SNX27: variants seen among roughly 807,000 people sequenced by gnomAD.
The protein encoded by SNX27 is sorting nexin 27, also known as sorting nexin-27.
A neutral mutation model predicts 71.6 loss-of-function variants in SNX27; 22 were observed. The ratio of observed to expected loss-of-function variants is 0.31; its 90% confidence interval spans 0.22 to 0.44. The LOEUF (loss-of-function observed/expected upper bound fraction) is 0.44, where lower values mean the gene tolerates loss of function less well. Among genes scored for constraint, SNX27 ranks in the 20% least tolerant of loss-of-function variants. The pLI, the probability that SNX27 is intolerant of heterozygous loss-of-function variation, is 1.00. For missense variants in SNX27, 531 were observed against 698.6 expected, an observed-to-expected ratio of 0.76 and a Z score of 2.70; for synonymous variants, 269 against 277.2, an observed-to-expected ratio of 0.97 and a Z score of 0.29.
At chr1:151,624,562 G>A (rs1484146262) in intron 1 of SNX27, among the ~76,000 whole-genome samples, 1 of 150,766 alleles carries the variant, frequency 6.6e-6, no homozygotes, top group Non-Finnish European at 1.5e-5. Context: ...CTCCCAAGTA[G>A]CAGGGACTAT....
rs78512551 is a variant in SNX27 at position 151,625,003 on chromosome 1, T to C, written c.311+12491T>C. Among the ~76,000 whole-genome samples the C allele has an allele frequency of 5.6e-3, 851 of 152,336 alleles. 7 individuals carry two copies. The highest frequency in any genetic ancestry group is 0.02 in the African/African-American group (816 of 41,576). ...CTTCTTCTGCCTCAGGCAGCATTCT[T>C]TGTAAATAGAACACCCGGTCAAAGG... On this transcript the variant is annotated intron_variant, in intron 1 of 11. Coordinates refer to ENST00000458013, the MANE Select transcript of SNX27 (RefSeq NM_001330723.2).
At chr1:151,618,372 T>TTAA (rs1667523127) in intron 1 of SNX27, among the ~76,000 whole-genome samples, 1 of 152,244 alleles carries the variant, frequency 6.6e-6, no homozygotes, top group South Asian at 2.1e-4. Flanking sequence ...ACAATCATTT[T>TTAA]TAAATTCCTT....
At chr1:151,644,798 T>C (rs2102646359) in intron 2 of SNX27, among the ~76,000 whole-genome samples, 1 of 152,172 alleles carries the variant, frequency 6.6e-6, no homozygotes, top group South Asian at 2.1e-4. Context: ...TATTGTGATA[T>C]AAAGGTCAAG....
intron 1 of SNX27, among the ~76,000 whole-genome samples, chr1:151,627,653 C>G (rs1668007377): frequency 6.6e-6 from 1 of 151,858 alleles, no homozygotes; most frequent in Non-Finnish European, 1.5e-5. Context: ...GTCTCGAACT[C>G]CTGGGCTCAA....
intron 1 of SNX27, among the ~76,000 whole-genome samples, chr1:151,613,528 T>C (rs932032693): frequency 2.0e-5 from 3 of 152,122 alleles, no homozygotes; most frequent in Admixed American, 2.0e-4. Flanking sequence ...CACTTGACTT[T>C]GTCCTAGTCT....
intron 1 of SNX27, among the ~76,000 whole-genome samples, chr1:151,630,867 A>G (rs1412463757): frequency 1.3e-5 from 2 of 152,212 alleles, no homozygotes; most frequent in Non-Finnish European, 2.9e-5. Flanking sequence ...CCCCGTCTCT[A>G]CTAAAAATAC....
intron 7 of SNX27, among the ~76,000 whole-genome samples, chr1:151,672,834 C>T (rs1345385406): frequency 3.3e-5 from 5 of 151,164 alleles, no homozygotes; most frequent in Non-Finnish European, 7.4e-5. Flanking sequence ...GTTGTAATAT[C>T]TCCTTTTTCA....
At chr1:151,672,239 C>T (rs1670479341) in intron 7 of SNX27, among the ~76,000 whole-genome samples, 1 of 152,116 alleles carries the variant, frequency 6.6e-6, no homozygotes, top group African/African-American at 2.4e-5. Flanking sequence ...GCTTTTTCAG[C>T]ATCGGTTGAA....
Position 151,690,435 on chromosome 1 carries a change from TTTTTTA to T in SNX27, c.1240-1990_1240-1985del, listed in dbSNP as rs1414485664. 6.6e-5 allele frequency among the ~76,000 whole-genome samples: 10 copies of T among 152,130 alleles called. No homozygotes were observed. The East Asian group carries it at 1.7e-3, about 26-fold the overall frequency. ...ATGGCTGAGTACTATGTTAAATATCTTTTTTATTTTTATTTCTTGTTTTGAGACAGG... is the reference window on the plus strand; with the variant it reads ...ATGGCTGAGTACTATGTTAAATATCTTTTTTATTTCTTGTTTTGAGACAGG... On this transcript the variant is annotated intron_variant, in intron 8 of 11. Coordinates refer to ENST00000458013, the MANE Select transcript of SNX27 (RefSeq NM_001330723.2).
chr1:151,612,636 G>A lies in SNX27; in HGVS notation c.311+124G>A. Reference sequence around the variant, plus strand: ...GCTCCGAGCCGGCCTCCGGACCCCCGCCCCTCAGGCCTCCGCAGCCGGGCC... The same window carrying A: ...GCTCCGAGCCGGCCTCCGGACCCCCACCCCTCAGGCCTCCGCAGCCGGGCC... On this transcript the variant is annotated intron_variant, in intron 1 of 11. Coordinates refer to ENST00000458013, the MANE Select transcript of SNX27 (RefSeq NM_001330723.2). The surrounding 1 kb of genome is among the most constrained non-coding windows in gnomAD (Gnocchi z 5.2). 1 of 670,282 alleles carries A rather than the reference G, an allele frequency of 1.5e-6. No homozygotes were observed. Among genetic ancestry groups the A allele is most frequent in the Non-Finnish European group, 2.0e-6 (1 of 496,788 alleles). The allele number at this position is 670,282 out of a possible 1,614,324, so 41.5% of individuals were successfully genotyped here. A position where few individuals can be genotyped will look rare whatever the true frequency, so the allele number is the denominator to read the frequency against.
intron 5 of SNX27, among the ~76,000 whole-genome samples, chr1:151,663,986 G>T (rs560936262): frequency 6.6e-6 from 1 of 151,442 alleles, no homozygotes; most frequent in Admixed American, 6.6e-5. Context: ...GTCAACTAAC[G>T]CTATTTAATT....
At chr1:151,615,062 G>C (rs947331060) in intron 1 of SNX27, among the ~76,000 whole-genome samples, 6 of 152,148 alleles carry the variant, frequency 3.9e-5, no homozygotes, top group Middle Eastern at 3.2e-3. Flanking sequence ...GGAAATCTTT[G>C]CCTTCTAGAG....
At chr1:151,691,975 G>A (rs1448236586) in intron 8 of SNX27, among the ~76,000 whole-genome samples, 4 of 152,154 alleles carry the variant, frequency 2.6e-5, no homozygotes, top group Admixed American at 6.5e-5. Flanking sequence ...TGAGGTGGGA[G>A]GATTAGTTGA....
intron 2 of SNX27, among the ~76,000 whole-genome samples, chr1:151,655,131 C>T (rs1669625795): frequency 1.3e-5 from 2 of 151,622 alleles, no homozygotes; most frequent in South Asian, 4.2e-4. Context: ...TCCTGGCATA[C>T]AGTTAAGCTA....
rs1444116095 is a variant in SNX27, at chr1:151,698,514, A to G, written c.*4097A>G. ...TGTCACAGTAGCTTCCTTTGGGAGGATGATGTGATAGAACACTCAGAGAGA... is the reference window on the plus strand; with the variant it reads ...TGTCACAGTAGCTTCCTTTGGGAGGGTGATGTGATAGAACACTCAGAGAGA... On this transcript the variant is annotated 3_prime_UTR_variant, in exon 12 of 12. Transcript: ENST00000458013. The G allele has an allele frequency of 2.0e-5, 3 of 152,338 alleles. No individual in the cohort carries two copies. The highest frequency in any genetic ancestry group is 4.4e-5 in the Non-Finnish European group (3 of 68,048). 9.4% of individuals were successfully genotyped at this position (152,338 alleles called of 1,614,324 possible). A position where few individuals can be genotyped will look rare whatever the true frequency, so the allele number is the denominator to read the frequency against.
rs147330247 is a variant in SNX27, at chr1:151,615,328, A to AC, written c.311+2820dup. Among the ~76,000 whole-genome samples the AC allele has an allele frequency of 7.9e-3, 1,194 of 150,800 alleles. 5 individuals carry two copies. The highest frequency in any genetic ancestry group is 0.014 in the Non-Finnish European group (937 of 67,752). On this transcript the variant is annotated intron_variant, in intron 1 of 11. Transcript: ENST00000458013. ...CCAAGCTAGTGGTACATTCTGTGAG[A>AC]CCCCAACTATACAGTGTCTTTCTCT...
intron 2 of SNX27, among the ~76,000 whole-genome samples, chr1:151,651,886 C>T (rs889462428): frequency 5.3e-5 from 8 of 151,904 alleles, no homozygotes; most frequent in East Asian, 1.9e-4. Flanking sequence ...GCCGAGATCA[C>T]GCCACTGCAC....
intron 8 of SNX27, 33 bp from the exon 9 acceptor site, chr1:151,692,402 C>A: frequency 7.2e-7 from 1 of 1,391,208 alleles, no homozygotes. Flanking sequence ...CCTGTTTCTC[C>A]TTCCTTTTTT....
At chr1:151,654,754 A>C (rs1442914708) in intron 2 of SNX27, among the ~76,000 whole-genome samples, 1 of 152,198 alleles carries the variant, frequency 6.6e-6, no homozygotes, top group Non-Finnish European at 1.5e-5. Context: ...CTGGTGGGGA[A>C]GTGCATGTGA....
Sources: allele counts gnomAD v4.1 joint callset (sites outside exome capture counted in the v4.1 genomes callset), GRCh38; gene constraint gnomAD v4.1.1; non-coding constraint Gnocchi (gnomAD v3.1); transcripts MANE v1.5; gene names NCBI Gene and HGNC (gene_info 2026-07-23, HGNC 2026-07-21).